The following PAPPA2 variants were observed in gnomAD, a reference collection of about 807,000 sequenced individuals.
PAPPA2 encodes pappalysin-2.
PAPPA2 carries 86 observed loss-of-function variants against 176.4 expected under a neutral mutation model. The ratio of observed to expected loss-of-function variants is 0.49; its 90% confidence interval spans 0.41 to 0.58. The LOEUF (loss-of-function observed/expected upper bound fraction) is 0.58, where lower values mean the gene tolerates loss of function less well. Ranked by LOEUF, PAPPA2 falls within the 20% of genes least tolerant of loss-of-function variation. The pLI, the probability that PAPPA2 is intolerant of heterozygous loss-of-function variation, is 0.00. For synonymous variants in PAPPA2, 809 were observed against 852.2 expected (o/e 0.95, Z 0.88); for missense variants, 2,073 against 2,256.9 (o/e 0.92, Z 1.65).
At chr1:176,511,179 A>T (rs944754310) in intron 1 of PAPPA2, among the ~76,000 whole-genome samples, 1 of 152,204 alleles carries the variant, frequency 6.6e-6, no homozygotes, top group Non-Finnish European at 1.5e-5. Flanking sequence ...AAATAAAAGG[A>T]TGGAAAAAAT....
At chr1:176,470,329 C>T (rs1429980410) in intron 1 of PAPPA2, among the ~76,000 whole-genome samples, 4 of 152,166 alleles carry the variant, frequency 2.6e-5, no homozygotes, top group African/African-American at 9.7e-5. Context: ...TCAGAGGCCA[C>T]ATTGACAAAA....
intron 2 of PAPPA2, among the ~76,000 whole-genome samples, chr1:176,590,880 C>T (rs1374437894): frequency 6.6e-6 from 1 of 152,158 alleles, no homozygotes; most frequent in African/African-American, 2.4e-5. Flanking sequence ...AGTGCACTCT[C>T]TGCACCCAGT....
At chr1:176,706,508 G>C in intron 10 of PAPPA2, 58 bp downstream of exon 10, 1 of 1,453,378 alleles carries the variant, frequency 6.9e-7, no homozygotes, top group South Asian at 1.2e-5. Flanking sequence ...GTATTATTTT[G>C]TGAGTTCTTG....
chr1:176,666,737 T>A (rs2102767122), intron 3 of PAPPA2, among the ~76,000 whole-genome samples: 1 of 151,578 alleles, frequency 6.6e-6, no homozygotes, highest in East Asian at 1.9e-4. Context: ...GATAGGAAAT[T>A]GAGGTGAGAG....
chr1:176,481,252 G>GCACACA (rs56206580), intron 1 of PAPPA2, among the ~76,000 whole-genome samples: 6,122 of 140,168 alleles, frequency 0.044, 202 homozygotes, highest in East Asian at 0.11. Flanking sequence ...AGATTTTAAA[G>GCACACA]CACACACACA....
intron 14 of PAPPA2, among the ~76,000 whole-genome samples, chr1:176,758,884 A>G (rs374920235): frequency 1.3e-5 from 2 of 152,144 alleles, no homozygotes; most frequent in Non-Finnish European, 2.9e-5. Context: ...GTGAAACTCA[A>G]TACCATGTTA....
intron 17 of PAPPA2, among the ~76,000 whole-genome samples, chr1:176,772,420 G>A (rs1664271469): frequency 6.6e-6 from 1 of 152,048 alleles, no homozygotes; most frequent in African/African-American, 2.4e-5. Context: ...GGTCTAAAGG[G>A]ACAGAAAAAA....
chr1:176,618,125 T>C (rs1354111430), intron 3 of PAPPA2, among the ~76,000 whole-genome samples: 4 of 152,200 alleles, frequency 2.6e-5, no homozygotes, highest in African/African-American at 9.7e-5. Flanking sequence ...TCCCAGGATG[T>C]TTCTGACCCC....
At chr1:176,785,817 T>G (rs558458753) in intron 17 of PAPPA2, among the ~76,000 whole-genome samples, 1 of 152,302 alleles carries the variant, frequency 6.6e-6, no homozygotes, top group South Asian at 2.1e-4. Flanking sequence ...AAATCGGCAT[T>G]CTTGAATGGC....
At chr1:176,654,042 C>A (rs1306366349) in intron 3 of PAPPA2, among the ~76,000 whole-genome samples, 1 of 151,596 alleles carries the variant, frequency 6.6e-6, no homozygotes, top group African/African-American at 2.4e-5. Context: ...TGTGCAGAAG[C>A]TTTTTAGTTT....
At chr1:176,683,399 TC>T (rs1475338576) in intron 4 of PAPPA2, among the ~76,000 whole-genome samples, 2 of 152,140 alleles carry the variant, frequency 1.3e-5, no homozygotes, top group Non-Finnish European at 1.5e-5. Context: ...CCCATTCATA[TC>T]GTTTTCCATG....
chr1:176,709,937 C>T, intron 10 of PAPPA2, 46 bp from the exon 11 acceptor site: 1 of 1,504,358 alleles, frequency 6.6e-7, no homozygotes, highest in Non-Finnish European at 9.0e-7. Context: ...TTTTTCATGA[C>T]ATTTATGAAA....
rs137968611 is a variant in PAPPA2, at chr1:176,819,478, T to C, written c.5202+19346T>C. ...GTTCCACTTCTTGCCTTTATTCTCT[T>C]TGGTTGTGTGACCTCAATCAAAGTC... On this transcript the variant is annotated intron_variant, in intron 21 of 22. Coordinates refer to ENST00000367662, the MANE Select transcript of PAPPA2 (RefSeq NM_020318.3). Among the ~76,000 whole-genome samples the C allele has an allele frequency of 6.0e-3, 917 of 152,312 alleles. 11 individuals are homozygous for C. Among genetic ancestry groups the C allele is most frequent in the African/African-American group, 0.021 (852 of 41,550 alleles).
chr1:176,735,108 T>G (rs1319868857), intron 12 of PAPPA2, among the ~76,000 whole-genome samples: 2 of 152,152 alleles, frequency 1.3e-5, no homozygotes, highest in African/African-American at 4.8e-5. Context: ...CCTAGTTTCC[T>G]CTTATGTAAT....
Position 176,836,206 on chromosome 1 carries a change from G to A in PAPPA2, c.5203-3967G>A, listed in dbSNP as rs148893879. Reference sequence around the variant, plus strand: ...AGAACTGAATTAATATGAAGAAATTGAAGTGGCTCTGATTTGTCATTCACA... The same window carrying A: ...AGAACTGAATTAATATGAAGAAATTAAAGTGGCTCTGATTTGTCATTCACA... On this transcript the variant is annotated intron_variant, in intron 21 of 22. Coordinates refer to ENST00000367662, the MANE Select transcript of PAPPA2 (RefSeq NM_020318.3). 1.6e-3 allele frequency among the ~76,000 whole-genome samples: 245 copies of A among 152,294 alleles called. 1 individual carries two copies. Among genetic ancestry groups the A allele is most frequent in the African/African-American group, 5.6e-3 (232 of 41,576 alleles).
chr1:176,482,824 C>T (rs1004928706), intron 1 of PAPPA2, among the ~76,000 whole-genome samples: 1 of 152,180 alleles, frequency 6.6e-6, no homozygotes, highest in South Asian at 2.1e-4. Context: ...ATGTGCTCAT[C>T]ATCCCTGAAC....
chr1:176,498,510 G>T (rs572037093), intron 1 of PAPPA2, among the ~76,000 whole-genome samples: 2 of 152,212 alleles, frequency 1.3e-5, no homozygotes. Context: ...AGCGCTTTGG[G>T]TGGCCAAGGT....
At chr1:176,594,313 T>C (rs1023322592) in intron 2 of PAPPA2, among the ~76,000 whole-genome samples, 2 of 152,246 alleles carry the variant, frequency 1.3e-5, no homozygotes, top group Admixed American at 1.3e-4. Context: ...TTGGGTGGAA[T>C]CTCAAATCAT....
At chr1:176,503,481 T>A (rs1648080075) in intron 1 of PAPPA2, among the ~76,000 whole-genome samples, 1 of 152,152 alleles carries the variant, frequency 6.6e-6, no homozygotes, top group South Asian at 2.1e-4. Flanking sequence ...GAAGTAGACA[T>A]CTTTGGGTGG....
Sources: gnomAD v4.1 joint callset for allele counts (sites outside exome capture counted in the v4.1 genomes callset) on GRCh38, gnomAD v4.1.1 for gene constraint, MANE v1.5 for transcripts, NCBI Gene and HGNC (gene_info 2026-07-23, HGNC 2026-07-21) for gene names.